Variants in MYOM1 observed in about 807,000 individuals in gnomAD.
MYOM1 encodes the protein myomesin-1.
MYOM1 carries 164 observed loss-of-function variants against 205.3 expected under a neutral mutation model. The observed-to-expected ratio is 0.80, with a 90% CI of 0.70 to 0.91. The LOEUF (loss-of-function observed/expected upper bound fraction) is 0.91, where lower values mean the gene tolerates loss of function less well. Among genes scored for constraint, MYOM1 ranks in the 40% least tolerant of loss-of-function variants. The probability of loss-of-function intolerance (pLI) is 0.00; values close to 1 mark genes in which losing one functional copy is unlikely to be tolerated. For synonymous variants in MYOM1, 772 were observed against 789.4 expected (o/e 0.98, Z 0.37); for missense variants, 2,011 against 2,127.3 (o/e 0.95, Z 1.08).
intron 9 of MYOM1, among the ~76,000 whole-genome samples, chr18:3,168,329 G>A (rs2080502823): frequency 6.6e-6 from 1 of 151,446 alleles, no homozygotes; most frequent in Non-Finnish European, 1.5e-5. Flanking sequence ...TCTCTCCGTC[G>A]CCCAGGCGGA....
intron 2 of MYOM1, among the ~76,000 whole-genome samples, chr18:3,197,624 A>T (rs1279509846): frequency 6.6e-6 from 1 of 152,160 alleles, no homozygotes; most frequent in Admixed American, 6.5e-5. Flanking sequence ...CTGTAATCCC[A>T]GCACGTTGGG....
rs1404780378 is a variant in MYOM1, at chr18:3,075,494, G to A, written c.4686-18C>T. ...CAGCTTGTCTGTGGTTGAGAGAAACGAACAAACAGACGAAGAATTTTGTGT... is the reference window on the plus strand; with the variant it reads ...CAGCTTGTCTGTGGTTGAGAGAAACAAACAAACAGACGAAGAATTTTGTGT... On this transcript the variant is annotated intron_variant, in intron 35 of 37. Transcript: ENST00000356443. The A allele has an allele frequency of 3.4e-6, 5 of 1,480,826 alleles. No homozygotes were observed. The highest frequency in any genetic ancestry group is 1.2e-5 in the South Asian group (1 of 86,526). 91.7% of individuals were successfully genotyped at this position (1,480,826 alleles called of 1,614,324 possible). A position where few individuals can be genotyped will look rare whatever the true frequency, so the allele number is the denominator to read the frequency against.
chr18:3,124,357 G>A (rs2143853376), intron 19 of MYOM1, among the ~76,000 whole-genome samples: 1 of 144,170 alleles, frequency 6.9e-6, no homozygotes, highest in Admixed American at 7.1e-5. Context: ...CTGGAGTGCA[G>A]TGGCGTGCGA....
At chr18:3,225,808 G>T in the MYOM1 span, among the ~76,000 whole-genome samples, 1 of 152,184 alleles carries the variant, frequency 6.6e-6, no homozygotes, top group South Asian at 2.1e-4. Flanking sequence ...GGTTAATGAA[G>T]AATTGTCTGC....
intron 22 of MYOM1, among the ~76,000 whole-genome samples, chr18:3,108,594 A>T (rs909617373): frequency 7.9e-5 from 12 of 151,420 alleles, no homozygotes; most frequent in Non-Finnish European, 1.0e-4. Context: ...CCCAGGCTGG[A>T]GTGCAGTGGC....
chr18:3,096,322 CA>C (rs1260112750), intron 25 of MYOM1, among the ~76,000 whole-genome samples: 1 of 152,142 alleles, frequency 6.6e-6, no homozygotes, highest in Non-Finnish European at 1.5e-5. Flanking sequence ...TTGTGGAATT[CA>C]AATAATATAT....
chr18:3,181,707 A>C (rs1443716091), intron 5 of MYOM1, among the ~76,000 whole-genome samples: 1 of 150,920 alleles, frequency 6.6e-6, no homozygotes, highest in Non-Finnish European at 1.5e-5. Context: ...TCTATTTGAC[A>C]ACGACCTTTG....
chr18:3,189,810 A>G lies in MYOM1; in HGVS notation c.432-723T>C, dbSNP rs1362794342. Among the ~76,000 whole-genome samples the G allele has an allele frequency of 1.3e-5, 2 of 152,212 alleles. No individual in the cohort carries two copies. The highest frequency in any genetic ancestry group is 1.9e-4 in the East Asian group (1 of 5,200). On this transcript the variant is annotated intron_variant, in intron 3 of 37. Transcript: ENST00000356443. This position sits in a 1 kb window ranked among gnomAD's most constrained non-coding sequence, Gnocchi z 4.8. ...ATTATGGTTCCTTTCCAGAAAAGCTATATTGTCAAATGAGATCTAGTTTGT... is the reference window on the plus strand; with the variant it reads ...ATTATGGTTCCTTTCCAGAAAAGCTGTATTGTCAAATGAGATCTAGTTTGT...
rs756163207 is a variant in MYOM1 at position 3,151,916 on chromosome 18, C to A, written c.1644-23G>T. 4 of 1,600,094 alleles carry A rather than the reference C, an allele frequency of 2.5e-6. No homozygotes were observed. In the South Asian group the frequency reaches 4.4e-5, roughly 18 times the overall value. On this transcript the variant is annotated intron_variant, in intron 11 of 37. Transcript: ENST00000356443. ...CACCTAAAGGAATGAGCGTGATTGACAAAAATATTAAAAGAAGTATGGCTT... is the reference window on the plus strand; with the variant it reads ...CACCTAAAGGAATGAGCGTGATTGAAAAAAATATTAAAAGAAGTATGGCTT...
intron 37 of MYOM1, among the ~76,000 whole-genome samples, chr18:3,069,742 C>A (rs1379512641): frequency 6.6e-6 from 1 of 152,082 alleles, no homozygotes; most frequent in East Asian, 1.9e-4. Context: ...AAAAACAAAA[C>A]TCCCAAACAC....
chr18:3,116,224 T>C, intron 21 of MYOM1, 107 bp downstream of exon 21: 1 of 1,222,294 alleles, frequency 8.2e-7, no homozygotes, highest in Non-Finnish European at 1.1e-6. Flanking sequence ...GAGCCCAATA[T>C]ATGAAACAGA....
At chr18:3,127,282 C>CATATATATATATATAT (rs1241920775) in intron 18 of MYOM1, among the ~76,000 whole-genome samples, 111 of 59,476 alleles carry the variant, frequency 1.9e-3, no homozygotes, top group East Asian at 3.3e-3. Flanking sequence ...TCAGAATTTC[C>CATATATATATATATAT]ATATATATAT....
chr18:3,135,549 AGTTT>A lies in MYOM1; in HGVS notation c.2203_2206del (p.Lys735LeufsTer21). 1 of 1,612,994 alleles carries A rather than the reference AGTTT, an allele frequency of 6.2e-7. No homozygotes were observed. Among genetic ancestry groups the A allele is most frequent in the East Asian group, 2.2e-5 (1 of 44,844 alleles). ...AAAAGAAGTTTACAGTTGCTTACCAAGTTTGTCCCCTACCACAGTCACCTCCGTT... is the reference window on the plus strand; with the variant it reads ...AAAAGAAGTTTACAGTTGCTTACCAAGTCCCCTACCACAGTCACCTCCGTT... On this transcript the variant is annotated frameshift_variant, in exon 15 of 38. Transcript: ENST00000356443. LOFTEE classifies it high-confidence loss of function. This position sits in a 1 kb window ranked among gnomAD's most constrained non-coding sequence, Gnocchi z 4.1.
At chr18:3,205,621 G>A (rs1341777313) in intron 2 of MYOM1, among the ~76,000 whole-genome samples, 1 of 152,102 alleles carries the variant, frequency 6.6e-6, no homozygotes, top group East Asian at 1.9e-4. Flanking sequence ...TTTGTGGGAA[G>A]GTAAAACAGT....
intron 37 of MYOM1, among the ~76,000 whole-genome samples, chr18:3,068,614 A>G (rs1278841312): frequency 6.6e-6 from 1 of 152,184 alleles, no homozygotes; most frequent in African/African-American, 2.4e-5. Flanking sequence ...GGTCAAAGAT[A>G]TTATATAAAT....
At chr18:3,182,024 G>A (rs187712353) in intron 5 of MYOM1, among the ~76,000 whole-genome samples, 104 of 152,200 alleles carry the variant, frequency 6.8e-4, no homozygotes, top group Middle Eastern at 3.4e-3. Flanking sequence ...GTGAGCCCTC[G>A]CGCCTGGCTG....
At chr18:3,241,749 T>G in the MYOM1 span, among the ~76,000 whole-genome samples, 1 of 152,220 alleles carries the variant, frequency 6.6e-6, no homozygotes, top group Non-Finnish European at 1.5e-5. Flanking sequence ...CAACAGACAC[T>G]CAGCGTCAGC....
chr18:3,167,258 G>GT, intron 9 of MYOM1, among the ~76,000 whole-genome samples: 1 of 152,318 alleles, frequency 6.6e-6, no homozygotes, highest in East Asian at 1.9e-4. Context: ...ATTTGACTGT[G>GT]TGATTTGGGG....
Position 3,127,305 on chromosome 18 carries a change from A to ATATATATATATTT in MYOM1, c.2795-409_2795-408insAAATATATATATA, listed in dbSNP as rs56880961. ...TCCATATATATATATATATATATAT[A>ATATATATATATTT]TTTTTTTTTTTTTTTTTTTTGAGCT... is the stretch of plus-strand genomic sequence containing the variant. On this transcript the variant is annotated intron_variant, in intron 18 of 37. Coordinates refer to ENST00000356443, the MANE Select transcript of MYOM1 (RefSeq NM_003803.4). 1.9e-4 allele frequency among the ~76,000 whole-genome samples: 9 copies of ATATATATATATTT among 47,568 alleles called. No individual in the cohort carries two copies. The East Asian group carries it at 1.9e-3, about 10-fold the overall frequency. 31.2% of individuals were successfully genotyped at this position (47,568 alleles called of 152,430 possible).
Sources: allele counts gnomAD v4.1 joint callset (sites outside exome capture counted in the v4.1 genomes callset), GRCh38; gene constraint gnomAD v4.1.1; non-coding constraint Gnocchi (gnomAD v3.1); transcripts MANE v1.5; gene names NCBI Gene and HGNC (gene_info 2026-07-23, HGNC 2026-07-21).